ZIM2: variants seen among roughly 807,000 people sequenced by gnomAD.
ZIM2 encodes zinc finger imprinted 2.
ZIM2 carries 14 observed loss-of-function variants against 38.6 expected under a neutral mutation model. That is an observed-to-expected ratio of 0.36 (90% confidence interval 0.24 to 0.57). The LOEUF (loss-of-function observed/expected upper bound fraction) is 0.57, where lower values mean the gene tolerates loss of function less well. ZIM2 is among the 20% of genes least tolerant of loss of function. The pLI is 0.81. For synonymous variants in ZIM2, 247 were observed against 245.8 expected (o/e 1.00, Z -0.04); for missense variants, 680 against 695.1 (o/e 0.98, Z 0.24).
At chr19:56,833,818 G>A (rs532528851) in intron 2 of ZIM2, 2 of 152,812 alleles carry the variant, frequency 1.3e-5, no homozygotes, top group African/African-American at 4.8e-5. Flanking sequence ...ATTTTATATA[G>A]GAGCAAGGAG....
chr19:56,831,012 C>T (rs984137582), intron 2 of ZIM2, among the ~76,000 whole-genome samples: 19 of 151,958 alleles, frequency 1.3e-4, no homozygotes, highest in African/African-American at 3.6e-4. Context: ...CATAAAGACA[C>T]GTGTATCACA....
intron 9 of ZIM2, among the ~76,000 whole-genome samples, chr19:56,802,190 G>A (rs1376948766): frequency 6.6e-6 from 1 of 152,112 alleles, no homozygotes; most frequent in African/African-American, 2.4e-5. Context: ...CCCTCCAGGT[G>A]TCCATCCCCC....
At chr19:56,796,317 C>T (rs371533966) in intron 9 of ZIM2, among the ~76,000 whole-genome samples, 23 of 152,200 alleles carry the variant, frequency 1.5e-4, no homozygotes, top group East Asian at 1.3e-3. Flanking sequence ...ATCATTCTTG[C>T]GGATTTGACA....
chr19:56,820,892 C>T (rs2060420727), intron 7 of ZIM2, among the ~76,000 whole-genome samples: 1 of 152,202 alleles, frequency 6.6e-6, no homozygotes, highest in Non-Finnish European at 1.5e-5. Flanking sequence ...GAAAGGAAGG[C>T]TCAGCCCAAT....
chr19:56,803,201 C>A (rs1437702282), intron 9 of ZIM2, among the ~76,000 whole-genome samples: 1 of 152,152 alleles, frequency 6.6e-6, no homozygotes, highest in Non-Finnish European at 1.5e-5. Context: ...TATTGATGAC[C>A]CCCACATAAC....
intron 9 of ZIM2, chr19:56,799,710 C>T (rs866540202): frequency 6.6e-6 from 1 of 152,142 alleles, no homozygotes; most frequent in Non-Finnish European, 1.5e-5. Flanking sequence ...TATGGCCACA[C>T]ATGCAAAAGA....
rs2047339668 is a variant in ZIM2 at position 56,798,497 on chromosome 19, A to C, written c.491-8546T>G. The C allele has an allele frequency of 2.0e-5, 3 of 152,180 alleles. No individual in the cohort carries two copies. In the South Asian group the frequency reaches 6.2e-4, roughly 31 times the overall value. 9.4% of individuals were successfully genotyped at this position (152,180 alleles called of 1,614,324 possible). On this transcript the variant is annotated intron_variant, in intron 9 of 12. Coordinates refer to ENST00000629319, the MANE Select transcript of ZIM2 (RefSeq NM_001387356.1). ...TAAAGACTTAAATGTAAAAACCCAA[A>C]CTATAAAAACCCTAGAAGAAAATCT...
At chr19:56,788,834 G>A (rs1401159411) in intron 10 of ZIM2, among the ~76,000 whole-genome samples, 4 of 151,780 alleles carry the variant, frequency 2.6e-5, no homozygotes, top group African/African-American at 9.7e-5. Context: ...TTTCTTGGAG[G>A]CTTTGTTCAT....
At chr19:56,792,520 G>A (rs1056295251) in intron 9 of ZIM2, among the ~76,000 whole-genome samples, 4 of 99,516 alleles carry the variant, frequency 4.0e-5, no homozygotes, top group Non-Finnish European at 5.3e-5. Flanking sequence ...GACAGAGCAA[G>A]ACTCTGTCTC....
At chr19:56,799,162 T>C (rs1213821424) in intron 9 of ZIM2, 1 of 152,148 alleles carries the variant, frequency 6.6e-6, no homozygotes. Flanking sequence ...TACATGTGCA[T>C]GTTCATTGCA....
chr19:56,799,297 A>C (rs1430007452), intron 9 of ZIM2: 2 of 152,234 alleles, frequency 1.3e-5, no homozygotes, highest in Non-Finnish European at 2.9e-5. Flanking sequence ...TGTCTTTTGC[A>C]GGGACCTGGA....
chr19:56,801,303 G>A (rs1443667060), intron 9 of ZIM2, among the ~76,000 whole-genome samples: 2 of 151,842 alleles, frequency 1.3e-5, no homozygotes, highest in East Asian at 1.9e-4. Flanking sequence ...TATAATCTTT[G>A]ACCTATAGCT....
chr19:56,776,682 C>T (rs546839227), intron 12 of ZIM2, among the ~76,000 whole-genome samples: 2 of 152,246 alleles, frequency 1.3e-5, no homozygotes, highest in South Asian at 2.1e-4. Flanking sequence ...TTGTGCAAGG[C>T]ATTATCTAAC....
At chr19:56,838,829 A>C (rs758752) in intron 1 of ZIM2, among the ~76,000 whole-genome samples, 5 of 152,104 alleles carry the variant, frequency 3.3e-5, no homozygotes, top group South Asian at 4.1e-4. Context: ...AAGGCAGGCA[A>C]GCACAGCAAC....
In ZIM2 at chr19:56,789,858, A is replaced by G; in HGVS notation, c.570+14T>C. 6.5e-7 allele frequency: 1 copy of G among 1,542,362 alleles called. No individual in the cohort carries two copies. On this transcript the variant is annotated intron_variant, in intron 10 of 12. Transcript: ENST00000629319. ...CCATATTTGATAACCATGTCAGAGG[A>G]AAGCCTGACTCACCTGGGACCCAGC...
intron 9 of ZIM2, chr19:56,816,004 A>G: frequency 6.3e-7 from 1 of 1,588,084 alleles, no homozygotes. Context: ...CTGATGGTTG[A>G]TAGCATCGAA....
At chr19:56,837,407 A>G (rs1023407038) in intron 1 of ZIM2, among the ~76,000 whole-genome samples, 14 of 152,066 alleles carry the variant, frequency 9.2e-5, no homozygotes, top group African/African-American at 3.1e-4. Flanking sequence ...TAGACCCCAA[A>G]TCTTACACCC....
At chr19:56,840,156 C>T (rs1169542186) in intron 1 of ZIM2, among the ~76,000 whole-genome samples, 1 of 152,208 alleles carries the variant, frequency 6.6e-6, no homozygotes, top group Non-Finnish European at 1.5e-5. Context: ...CGCATTCCGC[C>T]GTGGCAACAG....
intron 9 of ZIM2, chr19:56,815,447 T>A (rs760783630): frequency 1.2e-6 from 2 of 1,614,132 alleles, no homozygotes; most frequent in Non-Finnish European, 1.7e-6. Context: ...TAGTTTCTGC[T>A]TCCAGAGGGC....
Sources: allele counts gnomAD v4.1 joint callset (sites outside exome capture counted in the v4.1 genomes callset), GRCh38; gene constraint gnomAD v4.1.1; transcripts MANE v1.5; gene names NCBI Gene and HGNC (gene_info 2026-07-23, HGNC 2026-07-21).